ELOVL2: variants seen among roughly 807,000 people sequenced by gnomAD.
The protein encoded by ELOVL2 is very long chain fatty acid elongase 2.
Under a neutral mutation model 37.7 loss-of-function variants are expected in ELOVL2, and 38 were observed. That is an observed-to-expected ratio of 1.01 (90% CI 0.78 to 1.32). ELOVL2 has a LOEUF of 1.32. Among genes scored for constraint, ELOVL2 ranks in the 40% most tolerant of loss-of-function variants. The pLI is 0.00. For synonymous variants in ELOVL2, 115 were observed against 122.3 expected (o/e 0.94, Z 0.40); for missense variants, 352 against 363.6 (o/e 0.97, Z 0.26).
At chr6:11,017,349 A>C (rs1353346486) in intron 1 of ELOVL2, among the ~76,000 whole-genome samples, 1 of 152,092 alleles carries the variant, frequency 6.6e-6, no homozygotes, top group African/African-American at 2.4e-5. Context: ...AACTACAATG[A>C]ATCAGTGTTT....
At chr6:10,991,653 G>C (rs746662449) in intron 5 of ELOVL2, among the ~76,000 whole-genome samples, 11 of 152,142 alleles carry the variant, frequency 7.2e-5, no homozygotes, top group African/African-American at 2.7e-4. Context: ...AGGTACAATA[G>C]CATGCATAGA....
chr6:11,014,921 C>T (rs921427743), intron 1 of ELOVL2, among the ~76,000 whole-genome samples: 16 of 152,122 alleles, frequency 1.1e-4, no homozygotes, highest in African/African-American at 3.4e-4. Flanking sequence ...AAGACTTGAA[C>T]GCAAATATTC....
intron 1 of ELOVL2, among the ~76,000 whole-genome samples, chr6:11,042,713 C>T (rs1253553830): frequency 1.3e-5 from 2 of 151,982 alleles, no homozygotes; most frequent in South Asian, 2.1e-4. Flanking sequence ...AAATCGGGTC[C>T]CTCCTGTCGG....
At chr6:11,014,372 A>G (rs1483975166) in intron 1 of ELOVL2, among the ~76,000 whole-genome samples, 2 of 151,094 alleles carry the variant, frequency 1.3e-5, no homozygotes, top group Non-Finnish European at 2.9e-5. Flanking sequence ...TCAGCTACTC[A>G]GAAGGCTGAG....
intron 1 of ELOVL2, among the ~76,000 whole-genome samples, chr6:11,038,176 T>A (rs573925133): frequency 2.0e-5 from 3 of 152,220 alleles, no homozygotes; most frequent in East Asian, 3.8e-4. Flanking sequence ...TCACAAAAGT[T>A]TTTTTGTGAG....
intron 2 of ELOVL2, among the ~76,000 whole-genome samples, chr6:11,009,122 G>A (rs1782527605): frequency 6.6e-6 from 1 of 152,148 alleles, no homozygotes; most frequent in Non-Finnish European, 1.5e-5. Flanking sequence ...GAGATAAATG[G>A]TGAGTAAAAC....
At chr6:11,002,697 G>C (rs9461408) in intron 3 of ELOVL2, among the ~76,000 whole-genome samples, 3,897 of 152,270 alleles carry the variant, frequency 0.026, 157 homozygotes, top group African/African-American at 0.087. Context: ...ACAACTAAAC[G>C]GTTGTTCTTG....
At chr6:10,992,236 C>T (rs1782174423) in intron 5 of ELOVL2, among the ~76,000 whole-genome samples, 1 of 152,222 alleles carries the variant, frequency 6.6e-6, no homozygotes, top group African/African-American at 2.4e-5. Context: ...CCTTCACAGT[C>T]ACTGATACTC....
intron 7 of ELOVL2, among the ~76,000 whole-genome samples, chr6:10,986,471 T>C: frequency 6.6e-6 from 1 of 151,932 alleles, no homozygotes; most frequent in East Asian, 1.9e-4. Context: ...TTCAGTATGA[T>C]ATTGGCTGTG....
At chr6:11,004,747 T>C (rs761697641) in intron 3 of ELOVL2, among the ~76,000 whole-genome samples, 14 of 152,250 alleles carry the variant, frequency 9.2e-5, no homozygotes, top group Non-Finnish European at 1.6e-4. Flanking sequence ...AGGCAAATTA[T>C]GAAACTTTTC....
intron 2 of ELOVL2, among the ~76,000 whole-genome samples, chr6:11,008,254 T>G (rs1369852708): frequency 1.3e-5 from 2 of 152,182 alleles, no homozygotes; most frequent in African/African-American, 2.4e-5. Flanking sequence ...ACAATCTCCT[T>G]GCTACAAAGG....
At chr6:11,010,892 G>T in intron 1 of ELOVL2, 83 bp from the exon 2 acceptor site, 1 of 1,019,948 alleles carries the variant, frequency 9.8e-7, no homozygotes. Context: ...CCAACAACAT[G>T]TAACTGACAG....
intron 3 of ELOVL2, among the ~76,000 whole-genome samples, chr6:11,002,932 TAG>T (rs1259353014): frequency 4.5e-4 from 68 of 152,210 alleles, no homozygotes; most frequent in Admixed American, 4.5e-3. Flanking sequence ...AAGAGTTATA[TAG>T]GAGAAATATT....
intron 5 of ELOVL2, among the ~76,000 whole-genome samples, chr6:10,993,950 C>T (rs536001391): frequency 2.2e-5 from 3 of 133,362 alleles, no homozygotes; most frequent in African/African-American, 8.5e-5. Flanking sequence ...CAAGCGATTT[C>T]GCCTGCCTTG....
In ELOVL2 at chr6:11,010,782, T is replaced by C. The variant is rs1306164142; in HGVS notation, c.31A>G (p.Ile11Val). MEHLKAFDDE[I>V]NAFLDNMFGP... ...AACATATTGTCCAAAAAAGCATTGA[T>C]TTCATCATCAAAGGCCTTTAGATGT... Residue 11 changes from isoleucine to valine, a missense_variant, in exon 2 of 8, where the codon ATC (isoleucine) becomes GTC (valine). Transcript: ENST00000354666. 4 of 1,612,236 alleles carry C rather than the reference T, an allele frequency of 2.5e-6. No individual in the cohort carries two copies. The highest frequency in any genetic ancestry group is 3.4e-6 in the Non-Finnish European group (4 of 1,179,576).
chr6:11,032,988 C>G (rs927716009), intron 1 of ELOVL2, among the ~76,000 whole-genome samples: 2 of 152,112 alleles, frequency 1.3e-5, no homozygotes, highest in Admixed American at 6.5e-5. Flanking sequence ...GGTAGGGAAT[C>G]AAGCCATACC....
chr6:10,992,805 A>AAAAAC (rs1782189576), intron 5 of ELOVL2, among the ~76,000 whole-genome samples: 4 of 114,712 alleles, frequency 3.5e-5, no homozygotes, highest in African/African-American at 1.4e-4. Context: ...CAAAACAAAA[A>AAAAAC]AAAACAAAAA....
Position 11,044,211 on chromosome 6 carries a change from C to G in ELOVL2, c.3+17G>C. 1 of 1,442,682 alleles carries G rather than the reference C, an allele frequency of 6.9e-7. No individual in the cohort carries two copies. The allele number at this position is 1,442,682 out of a possible 1,614,324, so 89.4% of individuals were successfully genotyped here. Reference sequence around the variant, plus strand: ...GAAAGCGCGGCGGTGTCGGTGGCGGCGCGCGGCCCCACTCACCATGATCCG... The same window carrying G: ...GAAAGCGCGGCGGTGTCGGTGGCGGGGCGCGGCCCCACTCACCATGATCCG... On this transcript the variant is annotated intron_variant, in intron 1 of 7. Transcript: ENST00000354666. This position sits in a 1 kb window ranked among gnomAD's most constrained non-coding sequence, Gnocchi z 5.6.
chr6:11,037,209 A>AAG (rs201909822), intron 1 of ELOVL2, among the ~76,000 whole-genome samples: 1 of 142,922 alleles, frequency 7.0e-6, no homozygotes, highest in African/African-American at 2.6e-5. Flanking sequence ...CAGAGAGGGA[A>AAG]AGAGAGGCAG....
Sources: gnomAD v4.1 joint callset for allele counts (sites outside exome capture counted in the v4.1 genomes callset) on GRCh38, gnomAD v4.1.1 for gene constraint, Gnocchi (gnomAD v3.1) non-coding constraint, MANE v1.5 for transcripts, NCBI Gene and HGNC (gene_info 2026-07-23, HGNC 2026-07-21) for gene names.